Variants in IL1RAPL1 observed in about 807,000 individuals in gnomAD.
IL1RAPL1 encodes interleukin 1 receptor accessory protein like 1, also known as interleukin-1 receptor accessory protein-like 1.
Under a neutral mutation model 48.4 loss-of-function variants are expected in IL1RAPL1, and 3 were observed. That is an observed-to-expected ratio of 0.06 (90% confidence interval 0.03 to 0.16). The LOEUF (loss-of-function observed/expected upper bound fraction) is 0.16. Ranked by LOEUF, IL1RAPL1 falls within the 10% of genes least tolerant of loss-of-function variation. IL1RAPL1 has a pLI of 1.00. For synonymous variants in IL1RAPL1, 185 were observed against 187.7 expected (o/e 0.99, Z 0.12); for missense variants, 349 against 530.6 (o/e 0.66, Z 3.36).
intron 2 of IL1RAPL1, among the ~76,000 whole-genome samples, chrX:28,820,007 TATATATAC>T (rs1456836206): frequency 1.2e-5 from 1 of 82,789 alleles, no homozygotes; most frequent in African/African-American, 4.8e-5. Flanking sequence ...TATATATATA[TATATATAC>T]ATGTACTGTA....
intron 3 of IL1RAPL1, among the ~76,000 whole-genome samples, chrX:29,302,064 G>C (rs1411962524): frequency 8.9e-6 from 1 of 112,043 alleles, no homozygotes; most frequent in Non-Finnish European, 1.9e-5. Context: ...GATTTGGGAA[G>C]TACCCAAGAA....
chrX:29,622,440 C>T (rs1311802516), intron 5 of IL1RAPL1, among the ~76,000 whole-genome samples: 2 of 111,964 alleles, frequency 1.8e-5, no homozygotes, highest in Non-Finnish European at 1.9e-5. Flanking sequence ...CTGCTGTGTG[C>T]AATATATTGT....
At chrX:29,352,447 G>A (rs1260352502) in intron 3 of IL1RAPL1, among the ~76,000 whole-genome samples, 1 of 111,249 alleles carries the variant, frequency 9.0e-6, no homozygotes, top group Non-Finnish European at 1.9e-5. Flanking sequence ...GAGGTTTTGG[G>A]GGACCATCCA....
intron 5 of IL1RAPL1, among the ~76,000 whole-genome samples, chrX:29,503,957 C>CTTTT (rs369285020): frequency 7.4e-5 from 7 of 94,710 alleles, no homozygotes; most frequent in African/African-American, 2.7e-4. Flanking sequence ...AGCCTGAATC[C>CTTTT]TTTTTTTTTT....
intron 2 of IL1RAPL1, among the ~76,000 whole-genome samples, chrX:29,235,923 C>T (rs1374636944): frequency 8.9e-6 from 1 of 112,142 alleles, no homozygotes; most frequent in Admixed American, 9.4e-5. Flanking sequence ...CATCAGATTC[C>T]ATTTGAAAGT....
chrX:29,045,942 TC>T (rs1181082365), intron 2 of IL1RAPL1, among the ~76,000 whole-genome samples: 2 of 19,566 alleles, frequency 1.0e-4, no homozygotes, highest in Admixed American at 8.5e-4. Context: ...TCCTCCTTCT[TC>T]CTCCTCCTCC....
Position 29,111,523 on chromosome X carries a change from C to T in IL1RAPL1, c.83-171415C>T, listed in dbSNP as rs112412508. ...TTGATGGTGGGTGGCTTGATCTCAA[C>T]TTTTGCACTGACAAGCAATCGTCTT... On this transcript the variant is annotated intron_variant, in intron 2 of 10. Coordinates refer to ENST00000378993, the MANE Select transcript of IL1RAPL1 (RefSeq NM_014271.4). 7.4e-3 allele frequency among the ~76,000 whole-genome samples: 827 copies of T among 111,636 alleles called. 4 individuals carry two copies. The highest frequency in any genetic ancestry group is 0.018 in the Middle Eastern group (4 of 218).
chrX:29,771,225 A>T (rs1929057952), intron 6 of IL1RAPL1, among the ~76,000 whole-genome samples: 1 of 112,139 alleles, frequency 8.9e-6, no homozygotes, highest in African/African-American at 3.2e-5. Context: ...TGTATCATAG[A>T]TTATAGTATT....
intron 5 of IL1RAPL1, among the ~76,000 whole-genome samples, chrX:29,511,493 T>C (rs1027830688): frequency 1.8e-5 from 2 of 112,068 alleles, no homozygotes; most frequent in East Asian, 5.6e-4. Context: ...AAAATTTCTT[T>C]ATACACAATT....
intron 1 of IL1RAPL1, among the ~76,000 whole-genome samples, chrX:28,589,244 C>T (rs1933882931): frequency 9.0e-6 from 1 of 111,125 alleles, no homozygotes; most frequent in African/African-American, 3.3e-5. Context: ...CGTGCATAAT[C>T]GGTGATTATG....
At chrX:29,383,464 C>T (rs1342058407) in intron 3 of IL1RAPL1, among the ~76,000 whole-genome samples, 2 of 112,128 alleles carry the variant, frequency 1.8e-5, no homozygotes, top group Non-Finnish European at 3.8e-5. Flanking sequence ...GTATTACATT[C>T]TGACAACTGA....
intron 2 of IL1RAPL1, among the ~76,000 whole-genome samples, chrX:28,830,985 C>T (rs1921027601): frequency 2.3e-5 from 1 of 43,682 alleles, no homozygotes; most frequent in Admixed American, 2.6e-4. Flanking sequence ...CAACCTTTGC[C>T]CAGGGTTTCT....
intron 6 of IL1RAPL1, among the ~76,000 whole-genome samples, chrX:29,669,379 T>C (rs1298698490): frequency 1.8e-5 from 2 of 111,643 alleles, no homozygotes; most frequent in Non-Finnish European, 1.9e-5. Context: ...AGATTAATCA[T>C]ACAAGAGTGA....
chrX:28,682,347 C>T (rs74645989), intron 1 of IL1RAPL1, among the ~76,000 whole-genome samples: 6 of 110,346 alleles, frequency 5.4e-5, no homozygotes, highest in East Asian at 5.7e-4. Context: ...CTCATTCTGT[C>T]GCCCAGGCTG....
intron 1 of IL1RAPL1, among the ~76,000 whole-genome samples, chrX:28,683,989 A>C (rs1056063358): frequency 1.8e-5 from 2 of 112,429 alleles, no homozygotes; most frequent in Admixed American, 1.9e-4. Flanking sequence ...CTCTTTTGCC[A>C]TGTAAGGTTA....
At chrX:29,336,835 A>G (rs191743314) in intron 3 of IL1RAPL1, among the ~76,000 whole-genome samples, 1 of 111,781 alleles carries the variant, frequency 8.9e-6, no homozygotes, top group East Asian at 2.8e-4. Context: ...CACCTGTCAC[A>G]TGTGGGTTTT....
intron 1 of IL1RAPL1, among the ~76,000 whole-genome samples, chrX:28,786,323 A>T (rs1936473418): frequency 9.1e-6 from 1 of 110,370 alleles, no homozygotes; most frequent in African/African-American, 3.3e-5. Flanking sequence ...AAATTAGCCG[A>T]GTATGGTGGT....
chrX:29,514,855 G>A (rs1935429800), intron 5 of IL1RAPL1, among the ~76,000 whole-genome samples: 1 of 112,581 alleles, frequency 8.9e-6, no homozygotes, highest in African/African-American at 3.2e-5. Flanking sequence ...CTAAAGAATT[G>A]TAGTGAAATC....
chrX:29,902,565 T>G (rs73221619), intron 6 of IL1RAPL1, among the ~76,000 whole-genome samples: 2,360 of 110,696 alleles, frequency 0.021, 30 homozygotes, highest in Middle Eastern at 0.055. Context: ...GCCCTCTGAT[T>G]CCTGAAAGGC....
Sources: allele counts gnomAD v4.1 joint callset (sites outside exome capture counted in the v4.1 genomes callset), GRCh38; gene constraint gnomAD v4.1.1; transcripts MANE v1.5; gene names NCBI Gene and HGNC (gene_info 2026-07-23, HGNC 2026-07-21).